TENM2: variants seen among roughly 807,000 people sequenced by gnomAD.
TENM2 encodes the protein teneurin transmembrane protein 2.
A neutral mutation model predicts 245.2 loss-of-function variants in TENM2; 52 were observed. That is an observed-to-expected ratio of 0.21 (90% CI 0.17 to 0.27). The LOEUF (loss-of-function observed/expected upper bound fraction) is 0.27, where lower values mean the gene tolerates loss of function less well. Ranked by LOEUF, TENM2 falls within the 10% of genes least tolerant of loss-of-function variation. The pLI is 1.00. For synonymous variants in TENM2, 1,363 were observed against 1,438.9 expected, an observed-to-expected ratio of 0.95 and a Z score of 1.19; for missense variants, 3,046 against 3,666.8, an observed-to-expected ratio of 0.83 and a Z score of 4.37.
chr5:167,242,571 T>C, the TENM2 span, among the ~76,000 whole-genome samples: 1 of 152,166 alleles, frequency 6.6e-6, no homozygotes, highest in Non-Finnish European at 1.5e-5. Flanking sequence ...TCCAGCCTAC[T>C]CTATGAGAAG....
intron 4 of TENM2, among the ~76,000 whole-genome samples, chr5:167,960,941 G>A (rs1042437807): frequency 1.3e-5 from 2 of 152,206 alleles, no homozygotes; most frequent in Non-Finnish European, 2.9e-5. Flanking sequence ...AGCTTCCCTT[G>A]GCTAGAGGAG....
intron 12 of TENM2, among the ~76,000 whole-genome samples, chr5:168,133,518 G>A (rs777812265): frequency 6.6e-6 from 1 of 152,152 alleles, no homozygotes; most frequent in Non-Finnish European, 1.5e-5. Flanking sequence ...TGTAAGGCAG[G>A]TTTTCAATGT....
At chr5:167,140,682 A>G in the TENM2 span, among the ~76,000 whole-genome samples, 1 of 152,132 alleles carries the variant, frequency 6.6e-6, no homozygotes, top group Non-Finnish European at 1.5e-5. Context: ...AGCGCAATAC[A>G]CTTGGTGGCA....
intron 1 of TENM2, among the ~76,000 whole-genome samples, chr5:167,371,562 T>C (rs1760438649): frequency 6.6e-6 from 1 of 151,868 alleles, no homozygotes; most frequent in Non-Finnish European, 1.5e-5. Flanking sequence ...GGTTTATCCA[T>C]GTTTGTCAGG....
At chr5:167,941,251 C>A (rs936986939) in intron 3 of TENM2, among the ~76,000 whole-genome samples, 6 of 152,102 alleles carry the variant, frequency 3.9e-5, no homozygotes, top group African/African-American at 1.2e-4. Flanking sequence ...AAAATGGGGG[C>A]TGATGTTTAC....
intron 5 of TENM2, among the ~76,000 whole-genome samples, chr5:168,035,633 C>T (rs527468814): frequency 5.3e-5 from 8 of 152,266 alleles, no homozygotes; most frequent in South Asian, 4.1e-4. Flanking sequence ...GACCCAACTT[C>T]GGTCACCTTG....
At chr5:168,188,806 G>T (rs1581580722) in intron 13 of TENM2, among the ~76,000 whole-genome samples, 1 of 152,144 alleles carries the variant, frequency 6.6e-6, no homozygotes, top group Non-Finnish European at 1.5e-5. Flanking sequence ...GAGATGTGGG[G>T]TGGGCCGTTT....
the TENM2 span, among the ~76,000 whole-genome samples, chr5:167,190,763 G>A: frequency 6.6e-6 from 1 of 152,026 alleles, no homozygotes; most frequent in African/African-American, 2.4e-5. Flanking sequence ...TGTTGAGGGG[G>A]CCCATTTCAC....
At chr5:167,534,909 T>C (rs1266410283) in intron 2 of TENM2, among the ~76,000 whole-genome samples, 1 of 152,178 alleles carries the variant, frequency 6.6e-6, no homozygotes, top group Non-Finnish European at 1.5e-5. Flanking sequence ...GGTTAAAATT[T>C]CTCCTTAACA....
chr5:167,327,428 C>T (rs1381708973), intron 1 of TENM2, among the ~76,000 whole-genome samples: 2 of 152,094 alleles, frequency 1.3e-5, no homozygotes, highest in African/African-American at 4.8e-5. Flanking sequence ...ATTGGGGAGG[C>T]AGGAATTAAA....
chr5:167,119,915 G>A, the TENM2 span, among the ~76,000 whole-genome samples: 2 of 152,170 alleles, frequency 1.3e-5, no homozygotes, highest in Non-Finnish European at 2.9e-5. Flanking sequence ...TAGACATAGG[G>A]TATTTTGTTT....
At chr5:166,989,573 G>A in the TENM2 span, among the ~76,000 whole-genome samples, 6 of 151,468 alleles carry the variant, frequency 4.0e-5, no homozygotes, top group Non-Finnish European at 7.4e-5. Flanking sequence ...TGTATTTTTT[G>A]TAGAGATAGG....
chr5:167,539,854 G>A (rs1250988316), intron 2 of TENM2, among the ~76,000 whole-genome samples: 1 of 152,032 alleles, frequency 6.6e-6, no homozygotes, highest in Non-Finnish European at 1.5e-5. Flanking sequence ...GGAAAAGGGG[G>A]AACTGGAATA....
At chr5:167,081,154 CTATTTA>C in the TENM2 span, among the ~76,000 whole-genome samples, 2 of 151,390 alleles carry the variant, frequency 1.3e-5, no homozygotes, top group Middle Eastern at 3.2e-3. Flanking sequence ...GAAGATGGTG[CTATTTA>C]TATCAAGTAT....
chr5:167,509,549 C>T (rs536928980), intron 2 of TENM2, among the ~76,000 whole-genome samples: 3 of 152,244 alleles, frequency 2.0e-5, no homozygotes, highest in South Asian at 4.1e-4. Context: ...TTTCTTACCT[C>T]AGTTGTGATA....
intron 2 of TENM2, among the ~76,000 whole-genome samples, chr5:167,841,139 C>T (rs1033805699): frequency 1.2e-4 from 18 of 152,122 alleles, no homozygotes; most frequent in African/African-American, 3.9e-4. Flanking sequence ...TCACTGCAAC[C>T]TCCATCTCCC....
At chr5:167,540,683 G>A (rs1285467613) in intron 2 of TENM2, among the ~76,000 whole-genome samples, 1 of 152,166 alleles carries the variant, frequency 6.6e-6, no homozygotes, top group Non-Finnish European at 1.5e-5. Context: ...ATAGAGCAGA[G>A]CAGCTTTGGG....
upstream of TENM2, among the ~76,000 whole-genome samples, chr5:167,284,392 C>T (rs1376156747): frequency 2.0e-5 from 3 of 152,056 alleles, no homozygotes; most frequent in Non-Finnish European, 2.9e-5. Context: ...CCCAAGCCTT[C>T]TATAGCATAG....
intron 11 of TENM2, among the ~76,000 whole-genome samples, chr5:168,126,191 C>T (rs1386730392): frequency 2.0e-5 from 3 of 152,128 alleles, no homozygotes; most frequent in Non-Finnish European, 1.5e-5. Context: ...ATCTGGGTAA[C>T]GGGGTATCTG....
Sources: allele counts gnomAD v4.1 joint callset (sites outside exome capture counted in the v4.1 genomes callset), GRCh38; gene constraint gnomAD v4.1.1; transcripts MANE v1.5; gene names NCBI Gene and HGNC (gene_info 2026-07-23, HGNC 2026-07-21).